DPP10: variants seen among roughly 807,000 people sequenced by gnomAD.
The protein encoded by DPP10 is dipeptidyl peptidase like 10.
Under a neutral mutation model 120.9 loss-of-function variants are expected in DPP10, and 33 were observed. The observed-to-expected ratio is 0.27, with a 90% CI of 0.21 to 0.37. DPP10 has a LOEUF of 0.37. DPP10 is among the 10% of genes least tolerant of loss of function. DPP10 has a pLI of 1.00. For synonymous variants in DPP10, 337 were observed against 326.1 expected (o/e 1.03, Z -0.36); for missense variants, 816 against 942.8 (o/e 0.87, Z 1.76).
At chr2:115,098,634 C>T (rs1033703827) in intron 1 of DPP10, among the ~76,000 whole-genome samples, 2 of 151,912 alleles carry the variant, frequency 1.3e-5, no homozygotes, top group African/African-American at 2.4e-5. Flanking sequence ...ATTGTATAGG[C>T]GGCCCATCAT....
intron 5 of DPP10, among the ~76,000 whole-genome samples, chr2:115,562,586 T>G (rs943630351): frequency 1.3e-5 from 2 of 152,210 alleles, no homozygotes; most frequent in Admixed American, 1.3e-4. Context: ...AAACATAGAT[T>G]ACCAGTCCAA....
intron 3 of DPP10, among the ~76,000 whole-genome samples, chr2:115,381,688 C>T (rs538973775): frequency 1.3e-5 from 2 of 152,164 alleles, no homozygotes; most frequent in African/African-American, 4.8e-5. Context: ...GTGGTTTTAT[C>T]TACTTTTGGT....
Position 114,461,843 on chromosome 2 carries a change from C to T in DPP10, c.60+19005C>T, listed in dbSNP as rs904479468. ...CAAATATGATAGAAGATATCTTCAA[C>T]CTTTAGCTATAAGAAGAATGGAAAA... On this transcript the variant is annotated intron_variant, in intron 1 of 25. Coordinates refer to ENST00000410059, the MANE Select transcript of DPP10 (RefSeq NM_020868.6). The T allele has an allele frequency of 4.0e-5, 39 of 985,252 alleles. No individual in the cohort carries two copies. In the South Asian group the frequency reaches 4.2e-4, roughly 11 times the overall value. 61.0% of individuals were successfully genotyped at this position (985,252 alleles called of 1,614,324 possible).
intron 3 of DPP10, among the ~76,000 whole-genome samples, chr2:115,458,223 T>C (rs1399225648): frequency 2.6e-5 from 4 of 152,136 alleles, no homozygotes; most frequent in Non-Finnish European, 4.4e-5. Flanking sequence ...ATCAGAGCCA[T>C]TTCCAGATGT....
At chr2:114,472,884 C>T (rs1467883697) in intron 1 of DPP10, among the ~76,000 whole-genome samples, 1 of 152,198 alleles carries the variant, frequency 6.6e-6, no homozygotes, top group Non-Finnish European at 1.5e-5. Context: ...CTCAACAATA[C>T]AATCTCCTCA....
chr2:115,622,829 C>CTT lies in DPP10; in HGVS notation c.442-66842_442-66841dup, dbSNP rs765780452. Among the ~76,000 whole-genome samples, 420 of 128,272 alleles carry CTT rather than the reference C, an allele frequency of 3.3e-3. 1 individual carries two copies. Among genetic ancestry groups the CTT allele is most frequent in the South Asian group, 5.4e-3 (21 of 3,904 alleles). 84.2% of individuals were successfully genotyped at this position (128,272 alleles called of 152,430 possible). A position where few individuals can be genotyped will look rare whatever the true frequency, so the allele number is the denominator to read the frequency against. Reference sequence around the variant, plus strand: ...ACACAGCCACCCCCATTCGTTTATTCTTTTTTTTTTTTTTTTTGTTTTTTG... The same window carrying CTT: ...ACACAGCCACCCCCATTCGTTTATTCTTTTTTTTTTTTTTTTTTTGTTTTTTG... On this transcript the variant is annotated intron_variant, in intron 5 of 25. Transcript: ENST00000410059.
chr2:114,594,115 C>T (rs1477997048), intron 1 of DPP10, among the ~76,000 whole-genome samples: 1 of 151,998 alleles, frequency 6.6e-6, no homozygotes, highest in Admixed American at 6.6e-5. Flanking sequence ...CAGACCCACC[C>T]TTAACTGGGT....
At chr2:114,767,618 G>A (rs1039216031) in intron 1 of DPP10, among the ~76,000 whole-genome samples, 1 of 152,130 alleles carries the variant, frequency 6.6e-6, no homozygotes, top group Non-Finnish European at 1.5e-5. Context: ...GGTTGCTAAA[G>A]AGGGCTGCAC....
At chr2:115,018,622 A>G (rs1702842517) in intron 1 of DPP10, among the ~76,000 whole-genome samples, 1 of 152,152 alleles carries the variant, frequency 6.6e-6, no homozygotes, top group Admixed American at 6.5e-5. Context: ...CAGAAAGCCA[A>G]ACACCACATG....
chr2:115,694,193 G>T (rs537772970), intron 7 of DPP10, among the ~76,000 whole-genome samples: 53 of 152,142 alleles, frequency 3.5e-4, no homozygotes, highest in Non-Finnish European at 6.5e-4. Flanking sequence ...TATGAGTTTG[G>T]CATGCTTTGT....
At chr2:114,522,217 C>T (rs1458115418) in intron 1 of DPP10, among the ~76,000 whole-genome samples, 11 of 151,810 alleles carry the variant, frequency 7.2e-5, no homozygotes, top group African/African-American at 2.7e-4. Flanking sequence ...ATCTCCTGAC[C>T]TCATGATCCG....
At chr2:115,194,761 T>C (rs370311592) in intron 1 of DPP10, among the ~76,000 whole-genome samples, 2 of 152,188 alleles carry the variant, frequency 1.3e-5, no homozygotes, top group African/African-American at 4.8e-5. Flanking sequence ...TTGTGGAATC[T>C]ACACGGCAGA....
intron 5 of DPP10, among the ~76,000 whole-genome samples, chr2:115,682,098 T>C (rs188646013): frequency 2.0e-5 from 3 of 152,100 alleles, no homozygotes; most frequent in East Asian, 3.9e-4. Flanking sequence ...TATTTATTTC[T>C]GCATGGATAT....
chr2:115,675,651 T>C (rs2090194492), intron 5 of DPP10, among the ~76,000 whole-genome samples: 1 of 152,154 alleles, frequency 6.6e-6, no homozygotes, highest in African/African-American at 2.4e-5. Context: ...TGACAACAGA[T>C]ACCTGCAATT....
chr2:115,022,755 A>C, intron 1 of DPP10, among the ~76,000 whole-genome samples: 1 of 152,182 alleles, frequency 6.6e-6, no homozygotes, highest in Non-Finnish European at 1.5e-5. Flanking sequence ...AAACTATACT[A>C]TAAGGCCATA....
intron 1 of DPP10, among the ~76,000 whole-genome samples, chr2:114,966,442 C>G (rs1377129264): frequency 6.6e-6 from 1 of 152,186 alleles, no homozygotes; most frequent in African/African-American, 2.4e-5. Flanking sequence ...GTTTCTCCCT[C>G]TTGTTTCCTC....
chr2:115,775,488 A>C (rs1371792361), intron 13 of DPP10, among the ~76,000 whole-genome samples: 1 of 152,064 alleles, frequency 6.6e-6, no homozygotes, highest in Non-Finnish European at 1.5e-5. Flanking sequence ...TAGAAAAAAA[A>C]ATCAAATCAG....
chr2:115,666,613 A>T (rs2089473959), intron 5 of DPP10, among the ~76,000 whole-genome samples: 1 of 152,162 alleles, frequency 6.6e-6, no homozygotes, highest in South Asian at 2.1e-4. Context: ...GCTGTTTAGT[A>T]GTCCATGGTA....
At chr2:115,621,183 A>G (rs2084917406) in intron 5 of DPP10, among the ~76,000 whole-genome samples, 1 of 152,186 alleles carries the variant, frequency 6.6e-6, no homozygotes, top group Non-Finnish European at 1.5e-5. Flanking sequence ...ATTAGAGCAT[A>G]ACAATTAACT....
Sources: gnomAD v4.1 joint callset for allele counts (sites outside exome capture counted in the v4.1 genomes callset) on GRCh38, gnomAD v4.1.1 for gene constraint, MANE v1.5 for transcripts, NCBI Gene and HGNC (gene_info 2026-07-23, HGNC 2026-07-21) for gene names.